PDE4DIP: variants seen among roughly 807,000 people sequenced by gnomAD.
The protein encoded by PDE4DIP is phosphodiesterase 4D interacting protein.
Under a neutral mutation model 221.4 loss-of-function variants are expected in PDE4DIP, and 59 were observed. The ratio of observed to expected loss-of-function variants is 0.27; its 90% CI spans 0.22 to 0.33. PDE4DIP has a LOEUF of 0.33. PDE4DIP is among the 10% of genes least tolerant of loss of function. The probability of loss-of-function intolerance (pLI) is 1.00; values close to 1 mark genes in which losing one functional copy is unlikely to be tolerated. For missense variants in PDE4DIP, 1,036 were observed against 2,154.2 expected (o/e 0.48, Z 10.28); for synonymous variants, 404 against 815.9 (o/e 0.50, Z 8.60).
chr1:148,999,321 C>G (rs1332370471), intron 23 of PDE4DIP, among the ~76,000 whole-genome samples: 3 of 152,102 alleles, frequency 2.0e-5, no homozygotes, highest in African/African-American at 4.8e-5. Context: ...TGTATGACTT[C>G]TAAATCATGC....
chr1:149,010,648 G>A (rs1300762852), intron 31 of PDE4DIP, 53 bp downstream of exon 34: 1 of 1,584,594 alleles, frequency 6.3e-7, no homozygotes, highest in African/African-American at 1.4e-5. Flanking sequence ...TCTGCTGCCT[G>A]TTTGATTTTT....
chr1:148,952,398 G>T, intron 5 of PDE4DIP: 4 of 1,083,554 alleles, frequency 3.7e-6, no homozygotes, highest in Non-Finnish European at 4.5e-6. Flanking sequence ...GAGGCTTTGC[G>T]TCTGCGCGGC....
At chr1:148,907,186 A>G (rs2042046815) in intron 1 of PDE4DIP, among the ~76,000 whole-genome samples, 1 of 137,542 alleles carries the variant, frequency 7.3e-6, no homozygotes, top group Non-Finnish European at 1.6e-5. Context: ...TAAGTCTCTT[A>G]TGTGTTAGGT....
rs1438704741 is a variant in PDE4DIP at position 148,961,017 on chromosome 1, TTGCA to T, written c.768+237_768+240del. On this transcript the variant is annotated intron_variant, in intron 6 of 43. Transcript: ENST00000369354. The stretch of plus-strand genomic sequence containing the variant: ...TGCTTTTCAGGTGTGTAATTAAAAC[TTGCA>T]TGCAGGCCGGCGCAGTGGCTCATGC... Among the ~76,000 whole-genome samples the T allele has an allele frequency of 2.0e-5, 3 of 152,316 alleles. No individual in the cohort carries two copies. The East Asian group carries it at 5.8e-4, about 29-fold the overall frequency.
chr1:148,977,675 TATCATA>T (rs1386730468), intron 17 of PDE4DIP, among the ~76,000 whole-genome samples: 1 of 152,222 alleles, frequency 6.6e-6, no homozygotes, highest in Non-Finnish European at 1.5e-5. Flanking sequence ...TCTTTTTCAG[TATCATA>T]ATAAGCTTGT....
intron 17 of PDE4DIP, among the ~76,000 whole-genome samples, chr1:148,975,889 G>C (rs1161407435): frequency 1.1e-4 from 17 of 151,934 alleles, no homozygotes; most frequent in African/African-American, 3.6e-4. Flanking sequence ...ACCTGTGTTT[G>C]TATTTGTGAC....
rs199532787 is a variant in PDE4DIP, at chr1:148,988,179, T to TC, written c.2816-3705dup. Among the ~76,000 whole-genome samples, 45 of 152,226 alleles carry TC rather than the reference T, an allele frequency of 3.0e-4. No individual in the cohort carries two copies. The East Asian group carries it at 8.3e-3, about 28-fold the overall frequency. ...AGTCAAGATCATTCAGATAGTAACA[T>TC]CAAGTATAAAACTTCCTTCTGCTGA... On this transcript the variant is annotated intron_variant, in intron 21 of 43. Transcript: ENST00000369354.
intron 21 of PDE4DIP, chr1:148,981,608 TC>T (rs1438780416): frequency 5.4e-6 from 3 of 558,974 alleles, no homozygotes; most frequent in Non-Finnish European, 9.7e-6. Flanking sequence ...TACATGGATC[TC>T]ACTGTACATA....
chr1:148,929,423 T>C, intron 2 of PDE4DIP, 150 bp downstream of exon 5: 4 of 1,175,728 alleles, frequency 3.4e-6, no homozygotes, highest in Admixed American at 5.2e-5. Flanking sequence ...TCATATGCTG[T>C]GTTTCCCTTG....
intron 19 of PDE4DIP, among the ~76,000 whole-genome samples, chr1:148,979,528 G>A (rs1304810963): frequency 6.6e-6 from 1 of 151,204 alleles, no homozygotes; most frequent in Non-Finnish European, 1.5e-5. Flanking sequence ...TCTTCTTTTT[G>A]CTCCCATGTT....
At chr1:148,826,208 G>A (rs1190046034) in intron 1 of PDE4DIP, among the ~76,000 whole-genome samples, 2 of 94,742 alleles carry the variant, frequency 2.1e-5, no homozygotes, top group Non-Finnish European at 4.5e-5. Flanking sequence ...AGAATGTACC[G>A]AAGCCAGCAA....
chr1:148,976,086 G>C (rs147254118), intron 17 of PDE4DIP, among the ~76,000 whole-genome samples: 1 of 150,762 alleles, frequency 6.6e-6, no homozygotes. Context: ...GATTATTCAT[G>C]TCAGATATTT....
chr1:149,023,635 T>C (rs1372486191), intron 37 of PDE4DIP, among the ~76,000 whole-genome samples: 1 of 141,614 alleles, frequency 7.1e-6, no homozygotes, highest in Non-Finnish European at 1.5e-5. Flanking sequence ...CATGTATATG[T>C]GTGCACATAT....
intron 1 of PDE4DIP, among the ~76,000 whole-genome samples, chr1:148,823,392 G>A (rs10752805): frequency 3.6e-5 from 5 of 140,768 alleles, no homozygotes; most frequent in East Asian, 2.0e-4. Flanking sequence ...TAGGTGAACC[G>A]CACATTTCAA....
chr1:149,023,529 A>T (rs1232325073), intron 37 of PDE4DIP, among the ~76,000 whole-genome samples: 1 of 147,322 alleles, frequency 6.8e-6, no homozygotes, highest in Non-Finnish European at 1.5e-5. Context: ...ATGGAGGTAA[A>T]TATATATACA....
intron 8 of PDE4DIP, 51 bp from the exon 12 acceptor site, chr1:148,962,377 G>T (rs782783840): frequency 7.3e-7 from 1 of 1,377,628 alleles, no homozygotes; most frequent in South Asian, 1.2e-5. Flanking sequence ...AGTCTTTGTG[G>T]GAGCTCAGTG....
intron 16 of PDE4DIP, among the ~76,000 whole-genome samples, chr1:148,973,578 A>G (rs1553533928): frequency 1.3e-5 from 2 of 151,244 alleles, no homozygotes; most frequent in Admixed American, 6.6e-5. Context: ...TCATATTTGT[A>G]TCTCCTTGAG....
At chr1:148,866,595 A>AG (rs1686824146) in intron 2 of PDE4DIP, 1 of 47,206 alleles carries the variant, frequency 2.1e-5, no homozygotes, top group African/African-American at 9.8e-5. Context: ...GAAGGAAGGA[A>AG]GGAAGGAAGG....
In PDE4DIP at chr1:149,024,428, G is replaced by C. The variant is rs367546320; in HGVS notation, c.6086-17G>C. 7.0e-6 allele frequency: 11 copies of C among 1,570,208 alleles called. No homozygotes were observed. Among genetic ancestry groups the C allele is most frequent in the Non-Finnish European group, 9.5e-6 (11 of 1,155,530 alleles). ...GGAAATACTTGGGTCAATGTTACCA[G>C]ACTCCTTCTCTCTCAGCTTACAGCC... is the stretch of plus-strand genomic sequence containing the variant. On this transcript the variant is annotated splice_polypyrimidine_tract_variant and intron_variant, in intron 37 of 43. Transcript: ENST00000369354.
Sources: allele counts gnomAD v4.1 joint callset (sites outside exome capture counted in the v4.1 genomes callset), GRCh38; gene constraint gnomAD v4.1.1; transcripts MANE v1.5; gene names NCBI Gene and HGNC (gene_info 2026-07-23, HGNC 2026-07-21).